PARD3B: variants seen among roughly 807,000 people sequenced by gnomAD.
The protein encoded by PARD3B is par-3 family cell polarity regulator beta, also known as partitioning defective 3 homolog B.
PARD3B carries 103 observed loss-of-function variants against 130.2 expected under a neutral mutation model. That is an observed-to-expected ratio of 0.79 (90% confidence interval 0.67 to 0.93). PARD3B has a LOEUF of 0.93. Among genes scored for constraint, PARD3B ranks in the 40% least tolerant of loss-of-function variants. PARD3B has a pLI of 0.00. For synonymous variants in PARD3B, 583 were observed against 553.2 expected (o/e 1.05, Z -0.76); for missense variants, 1,609 against 1,499.2 (o/e 1.07, Z -1.21).
rs142358016 is a variant in PARD3B, at chr2:205,128,744, T to C, written c.1434+3007T>C. Among the ~76,000 whole-genome samples, 1 of 152,336 alleles carries C rather than the reference T, an allele frequency of 6.6e-6. No individual in the cohort carries two copies. Among genetic ancestry groups the C allele is most frequent in the East Asian group, 1.9e-4 (1 of 5,188 alleles). On this transcript the variant is annotated intron_variant, in intron 10 of 22. Transcript: ENST00000406610. This position sits in a 1 kb window ranked among gnomAD's most constrained non-coding sequence, Gnocchi z 4.5. The stretch of plus-strand genomic sequence containing the variant: ...ACAATTCTATACTCTAGATATATTA[T>C]GGGGTAGATAGATTTATGCAGCCTT...
intron 2 of PARD3B, among the ~76,000 whole-genome samples, chr2:204,725,221 T>C (rs1388398876): frequency 1.3e-5 from 2 of 152,188 alleles, no homozygotes; most frequent in Non-Finnish European, 2.9e-5. Flanking sequence ...ACTATTTATA[T>C]GACGTAAAAG....
chr2:205,141,606 C>T (rs1357720074), intron 10 of PARD3B, among the ~76,000 whole-genome samples: 1 of 152,136 alleles, frequency 6.6e-6, no homozygotes, highest in Admixed American at 6.5e-5. Context: ...GAAACATTTG[C>T]AAGCTATTTT....
At chr2:204,703,561 G>T (rs762723593) in intron 2 of PARD3B, among the ~76,000 whole-genome samples, 1 of 152,158 alleles carries the variant, frequency 6.6e-6, no homozygotes, top group Admixed American at 6.5e-5. Flanking sequence ...ATTATAAAAT[G>T]ATTTGAATTT....
intron 18 of PARD3B, among the ~76,000 whole-genome samples, chr2:205,363,521 G>T (rs2044475111): frequency 1.3e-5 from 2 of 152,196 alleles, no homozygotes; most frequent in Non-Finnish European, 2.9e-5. Context: ...ATATCTGCTT[G>T]CAAGTAAGAA....
At chr2:205,139,409 C>T (rs896920026) in intron 10 of PARD3B, among the ~76,000 whole-genome samples, 1 of 152,030 alleles carries the variant, frequency 6.6e-6, no homozygotes, top group Non-Finnish European at 1.5e-5. Flanking sequence ...CTGGATTCTT[C>T]TATTAGAAAA....
At chr2:205,001,435 C>T (rs960984821) in intron 3 of PARD3B, among the ~76,000 whole-genome samples, 6 of 152,150 alleles carry the variant, frequency 3.9e-5, no homozygotes, top group Non-Finnish European at 5.9e-5. Flanking sequence ...TAACCAAATA[C>T]AACAGCATTT....
intron 2 of PARD3B, among the ~76,000 whole-genome samples, chr2:204,937,969 G>A (rs1039835392): frequency 2.5e-4 from 38 of 152,194 alleles, no homozygotes; most frequent in Admixed American, 1.1e-3. Context: ...ATCGTAAAGA[G>A]CAGAGAACTT....
chr2:204,759,898 A>G (rs1183295116), intron 2 of PARD3B, among the ~76,000 whole-genome samples: 2 of 151,954 alleles, frequency 1.3e-5, no homozygotes, highest in Non-Finnish European at 2.9e-5. Flanking sequence ...TTTTTTGTTT[A>G]CCCTCTTATA....
At chr2:204,934,913 A>G (rs1688297706) in intron 2 of PARD3B, among the ~76,000 whole-genome samples, 2 of 152,178 alleles carry the variant, frequency 1.3e-5, no homozygotes, top group Admixed American at 6.5e-5. Context: ...ATTTAATAAT[A>G]GAAGAAAACT....
intron 2 of PARD3B, among the ~76,000 whole-genome samples, chr2:204,859,321 G>A (rs1057345471): frequency 2.0e-5 from 3 of 152,088 alleles, no homozygotes; most frequent in Non-Finnish European, 2.9e-5. Context: ...CACATATTAG[G>A]AGTATAAAAG....
At chr2:205,361,185 G>A (rs542939068) in intron 18 of PARD3B, among the ~76,000 whole-genome samples, 1 of 152,166 alleles carries the variant, frequency 6.6e-6, no homozygotes, top group African/African-American at 2.4e-5. Context: ...ACAGATAACT[G>A]CCAAACAGAC....
chr2:205,079,507 C>T (rs189227582), intron 4 of PARD3B, among the ~76,000 whole-genome samples: 8 of 152,296 alleles, frequency 5.3e-5, no homozygotes, highest in Admixed American at 4.6e-4. Flanking sequence ...AAAAAGGCTT[C>T]GCCAATTCCC....
chr2:205,475,702 G>A (rs1321002250), intron 20 of PARD3B, among the ~76,000 whole-genome samples: 1 of 152,160 alleles, frequency 6.6e-6, no homozygotes, highest in Non-Finnish European at 1.5e-5. Context: ...CAATACAAAT[G>A]TCAGCCTAAG....
In PARD3B at chr2:205,581,396, A is replaced by AGT. The variant is rs1238077764; in HGVS notation, c.3260+27993_3260+27994insGT. On this transcript the variant is annotated intron_variant, in intron 22 of 22. Coordinates refer to ENST00000406610, the MANE Select transcript of PARD3B (RefSeq NM_001302769.2). ...ATGTATGTATATATAAATATATATA[A>AGT]ATATATATATAAGTATATATAAATA... 8.0e-3 allele frequency among the ~76,000 whole-genome samples: 1,151 copies of AGT among 144,670 alleles called. 18 individuals are homozygous for AGT. Among genetic ancestry groups the AGT allele is most frequent in the African/African-American group, 0.027 (1,084 of 39,434 alleles). The allele number at this position is 144,670 out of a possible 152,430, so 94.9% of individuals were successfully genotyped here.
chr2:205,513,359 T>TA (rs1445035742), intron 21 of PARD3B, among the ~76,000 whole-genome samples: 1 of 151,972 alleles, frequency 6.6e-6, no homozygotes, highest in African/African-American at 2.4e-5. Context: ...TATATAAGGT[T>TA]AAAAAATCTA....
chr2:204,573,083 C>T (rs1574482667), intron 1 of PARD3B, among the ~76,000 whole-genome samples: 1 of 152,194 alleles, frequency 6.6e-6, no homozygotes, highest in South Asian at 2.1e-4. Flanking sequence ...CTCAACTTGG[C>T]TGGTGGCTAT....
chr2:204,800,297 G>C (rs747889417), intron 2 of PARD3B, among the ~76,000 whole-genome samples: 20 of 152,202 alleles, frequency 1.3e-4, no homozygotes, highest in Middle Eastern at 6.8e-3. Flanking sequence ...GATAGAATTA[G>C]TAGGCTTAAA....
At chr2:205,284,235 A>C (rs1026993541) in intron 16 of PARD3B, among the ~76,000 whole-genome samples, 1 of 152,292 alleles carries the variant, frequency 6.6e-6, no homozygotes, top group Admixed American at 6.5e-5. Context: ...CTGTTACTTC[A>C]TGAGGTTCAT....
intron 10 of PARD3B, among the ~76,000 whole-genome samples, chr2:205,143,676 G>A (rs1343739560): frequency 4.6e-5 from 7 of 152,126 alleles, no homozygotes; most frequent in East Asian, 1.9e-4. Flanking sequence ...TCAGTAGCCC[G>A]AGCCAGTATT....
Sources: gnomAD v4.1 joint callset for allele counts (sites outside exome capture counted in the v4.1 genomes callset) on GRCh38, gnomAD v4.1.1 for gene constraint, Gnocchi (gnomAD v3.1) non-coding constraint, MANE v1.5 for transcripts, NCBI Gene and HGNC (gene_info 2026-07-23, HGNC 2026-07-21) for gene names.